CNTNAP3B: variants seen among roughly 807,000 people sequenced by gnomAD.
CNTNAP3B encodes contactin associated protein family member 3B, also known as contactin-associated protein-like 3B.
In CNTNAP3B, 25 loss-of-function variants were observed where a neutral mutation model predicts 108.9. The observed-to-expected ratio is 0.23, with a 90% CI of 0.17 to 0.32. The LOEUF (loss-of-function observed/expected upper bound fraction) is 0.32. Ranked by LOEUF, CNTNAP3B falls within the 10% of genes least tolerant of loss-of-function variation. The pLI, the probability that CNTNAP3B is intolerant of heterozygous loss-of-function variation, is 1.00. For missense variants in CNTNAP3B, 252 were observed against 1,210.4 expected, an observed-to-expected ratio of 0.21 and a Z score of 11.75; for synonymous variants, 103 against 473.4, an observed-to-expected ratio of 0.22 and a Z score of 10.16.
At chr9:41,971,091 C>T (rs1296222639) in intron 9 of CNTNAP3B, among the ~76,000 whole-genome samples, 3 of 134,464 alleles carry the variant, frequency 2.2e-5, no homozygotes, top group African/African-American at 8.8e-5. Flanking sequence ...ATGCTTATGA[C>T]ATCACTTCCC....
rs1369105539 is a variant in CNTNAP3B, at chr9:42,110,406, C to A, written c.86-5667G>T. ...AAGGAGAGGGGAAGGGGCCACCGAA[C>A]TGCTAATATGAGGGGACGGCACCTT... On this transcript the variant is annotated intron_variant, in intron 1 of 23. Coordinates refer to ENST00000377561, the MANE Select transcript of CNTNAP3B (RefSeq NM_001201380.3). 3.7e-5 allele frequency among the ~76,000 whole-genome samples: 5 copies of A among 136,660 alleles called. 1 individual carries two copies. Among genetic ancestry groups the A allele is most frequent in the Admixed American group, 7.3e-5 (1 of 13,638 alleles). 89.7% of individuals were successfully genotyped at this position (136,660 alleles called of 152,430 possible). A position where few individuals can be genotyped will look rare whatever the true frequency, so the allele number is the denominator to read the frequency against.
At chr9:42,084,344 G>A (rs1169714636) in intron 2 of CNTNAP3B, among the ~76,000 whole-genome samples, 1 of 117,646 alleles carries the variant, frequency 8.5e-6, no homozygotes, top group Non-Finnish European at 1.8e-5. Flanking sequence ...GGCATATGCG[G>A]AGAGGGCTGG....
chr9:41,944,969 A>C (rs1291924767), intron 13 of CNTNAP3B, among the ~76,000 whole-genome samples: 2 of 151,058 alleles, frequency 1.3e-5, no homozygotes, highest in African/African-American at 2.4e-5. Flanking sequence ...ATGAACAGAC[A>C]CTTCTCAAAA....
chr9:42,014,762 G>T (rs1317082702), intron 3 of CNTNAP3B, among the ~76,000 whole-genome samples: 2 of 59,454 alleles, frequency 3.4e-5, no homozygotes, highest in Admixed American at 3.8e-4. Flanking sequence ...CTGCACTCCA[G>T]CCTGGGCAAC....
At chr9:41,944,688 T>A (rs1360089237) in intron 13 of CNTNAP3B, among the ~76,000 whole-genome samples, 1 of 151,758 alleles carries the variant, frequency 6.6e-6, no homozygotes, top group African/African-American at 2.4e-5. Context: ...TTAATCCAAG[T>A]ATCAATAATC....
At chr9:42,058,612 T>TATTA (rs1827125396) in intron 3 of CNTNAP3B, among the ~76,000 whole-genome samples, 1 of 142,906 alleles carries the variant, frequency 7.0e-6, no homozygotes, top group African/African-American at 2.7e-5. Flanking sequence ...GTATTTTAAA[T>TATTA]ATTAACCCTT....
intron 3 of CNTNAP3B, among the ~76,000 whole-genome samples, chr9:42,076,459 A>T: frequency 7.9e-6 from 1 of 126,986 alleles, no homozygotes; most frequent in Non-Finnish European, 1.6e-5. Flanking sequence ...GAAAAACTAA[A>T]TCTGGCTGCT....
intron 18 of CNTNAP3B, among the ~76,000 whole-genome samples, chr9:41,919,717 G>T (rs1418766835): frequency 2.0e-5 from 3 of 152,150 alleles, no homozygotes; most frequent in African/African-American, 4.8e-5. Context: ...GCAATACGTT[G>T]TCTCTAAAAA....
Position 42,114,857 on chromosome 9 carries a change from G to A in CNTNAP3B, c.86-10118C>T, listed in dbSNP as rs1209666582. Among the ~76,000 whole-genome samples the A allele has an allele frequency of 1.0e-4, 14 of 136,124 alleles. 2 individuals carry two copies. Among genetic ancestry groups the A allele is most frequent in the Admixed American group, 1.5e-4 (2 of 13,572 alleles). 89.3% of individuals were successfully genotyped at this position (136,124 alleles called of 152,430 possible). A position where few individuals can be genotyped will look rare whatever the true frequency, so the allele number is the denominator to read the frequency against. ...GATCACAAGGTCAGGAGTTTGAGAC[G>A]AGCCTGGCCAACATGGTGAAACTCC... On this transcript the variant is annotated intron_variant, in intron 1 of 23. Transcript: ENST00000377561.
At chr9:41,916,002 A>G (rs1823507816) in intron 18 of CNTNAP3B, among the ~76,000 whole-genome samples, 2 of 151,414 alleles carry the variant, frequency 1.3e-5, no homozygotes, top group African/African-American at 4.9e-5. Flanking sequence ...ACATAGCTCT[A>G]TTTCTTCTCT....
chr9:42,066,182 A>G lies in CNTNAP3B; in HGVS notation c.390+10687T>C, dbSNP rs184765533. On this transcript the variant is annotated intron_variant, in intron 3 of 23. Coordinates refer to ENST00000377561, the MANE Select transcript of CNTNAP3B (RefSeq NM_001201380.3). ...CATTACTGAGTCTTCATATCCATAA[A>G]TGAGAATTTACACAGATCTCCTTAT... Among the ~76,000 whole-genome samples the G allele has an allele frequency of 8.7e-3, 1,202 of 137,410 alleles. 157 individuals are homozygous for G. Among genetic ancestry groups the G allele is most frequent in the South Asian group, 0.021 (86 of 4,176 alleles). 90.1% of individuals were successfully genotyped at this position (137,410 alleles called of 152,430 possible). A position where few individuals can be genotyped will look rare whatever the true frequency, so the allele number is the denominator to read the frequency against.
chr9:41,965,119 C>A (rs534623702), intron 10 of CNTNAP3B, among the ~76,000 whole-genome samples: 1 of 152,278 alleles, frequency 6.6e-6, no homozygotes, highest in South Asian at 2.1e-4. Flanking sequence ...CATCTTGTCG[C>A]CTTTTAGATT....
intron 2 of CNTNAP3B, among the ~76,000 whole-genome samples, chr9:42,077,405 C>T (rs2118617397): frequency 7.3e-6 from 1 of 136,922 alleles, no homozygotes; most frequent in East Asian, 2.3e-4. Context: ...GACTAAATTC[C>T]AGTAGTAGGA....
At chr9:41,964,060 T>C (rs1342402013) in intron 11 of CNTNAP3B, among the ~76,000 whole-genome samples, 4 of 152,300 alleles carry the variant, frequency 2.6e-5, no homozygotes, top group Non-Finnish European at 5.9e-5. Flanking sequence ...TCTTCAAAAA[T>C]CTTGCCATGT....
chr9:41,942,719 G>T (rs1254516368), intron 13 of CNTNAP3B, among the ~76,000 whole-genome samples: 2 of 152,200 alleles, frequency 1.3e-5, no homozygotes, highest in Non-Finnish European at 2.9e-5. Flanking sequence ...ATAGTAACAG[G>T]AGATTAAAAA....
intron 14 of CNTNAP3B, among the ~76,000 whole-genome samples, chr9:41,934,126 C>CATATATATATATATATATATATATAT (rs1824074627): frequency 4.5e-5 from 1 of 22,278 alleles, no homozygotes; most frequent in Non-Finnish European, 1.0e-4. Flanking sequence ...TATATATACA[C>CATATATATATATATATATATATATAT]ACACATATAT....
chr9:42,026,739 G>A lies in CNTNAP3B; in HGVS notation c.391-13214C>T, dbSNP rs1289950778. On this transcript the variant is annotated intron_variant, in intron 3 of 23. Coordinates refer to ENST00000377561, the MANE Select transcript of CNTNAP3B (RefSeq NM_001201380.3). ...TCTGGACTTCCCATATTTTTCTGCCGTTAAAACCTATCCTGAATCATATAG... is the reference window on the plus strand; with the variant it reads ...TCTGGACTTCCCATATTTTTCTGCCATTAAAACCTATCCTGAATCATATAG... Among the ~76,000 whole-genome samples the A allele has an allele frequency of 9.8e-5, 13 of 132,092 alleles. 3 individuals carry two copies. The highest frequency in any genetic ancestry group is 3.7e-4 in the African/African-American group (12 of 32,504). 86.7% of individuals were successfully genotyped at this position (132,092 alleles called of 152,430 possible). A position where few individuals can be genotyped will look rare whatever the true frequency, so the allele number is the denominator to read the frequency against.
chr9:41,965,287 C>T (rs1373853254), intron 10 of CNTNAP3B, among the ~76,000 whole-genome samples: 1 of 152,200 alleles, frequency 6.6e-6, no homozygotes, highest in Non-Finnish European at 1.5e-5. Flanking sequence ...CACAGGGAAC[C>T]TCAAGGGACC....
chr9:41,925,965 A>G (rs1311081094), intron 15 of CNTNAP3B, among the ~76,000 whole-genome samples: 6 of 152,248 alleles, frequency 3.9e-5, no homozygotes, highest in Admixed American at 6.5e-5. Context: ...CTAGGGTGTC[A>G]TTGCTTCTAG....
Sources: allele counts gnomAD v4.1 joint callset (sites outside exome capture counted in the v4.1 genomes callset), GRCh38; gene constraint gnomAD v4.1.1; transcripts MANE v1.5; gene names NCBI Gene and HGNC (gene_info 2026-07-23, HGNC 2026-07-21).